PCDH17: variants seen among roughly 807,000 people sequenced by gnomAD.
The protein encoded by PCDH17 is protocadherin 17, also known as protocadherin-17.
In PCDH17, 21 loss-of-function variants were observed where a neutral mutation model predicts 67.7. The observed-to-expected ratio is 0.31, with a 90% CI of 0.22 to 0.45. The LOEUF is 0.45. PCDH17 is among the 20% of genes least tolerant of loss of function. The probability of loss-of-function intolerance (pLI) is 1.00; values close to 1 mark genes in which losing one functional copy is unlikely to be tolerated. For missense variants in PCDH17, 1,471 were observed against 1,564.8 expected (o/e 0.94, Z 1.01); for synonymous variants, 701 against 656.7 (o/e 1.07, Z -1.03).
chr13:57,724,743 A>G lies in PCDH17; in HGVS notation c.2929A>G (p.Thr977Ala). The G allele has an allele frequency of 1.9e-6, 3 of 1,614,138 alleles. No homozygotes were observed. The highest frequency in any genetic ancestry group is 8.5e-7 in the Non-Finnish European group (1 of 1,179,996). ...TTACCGCACAAATCTCTTTGTACCTACAGTTGAAGCTAATGTTGAGACTGA... is the reference window on the plus strand; with the variant it reads ...TTACCGCACAAATCTCTTTGTACCTGCAGTTGAAGCTAATGTTGAGACTGA... ...ADYRTNLFVP[T>A]VEANVETETY... is the part of the protein sequence containing the mutation. The change falls in exon 4 of 4, where the codon ACA becomes GCA. Residue 977 changes from threonine (T) to alanine (A), a missense_variant. By Grantham distance (58) the Thr-to-Ala change is moderately conservative. This residue lies in a region of PCDH17 where 297 missense variants were observed against 298.6 expected (regional missense o/e 0.99). Coordinates refer to ENST00000377918, the MANE Select transcript of PCDH17 (RefSeq NM_001040429.3).
intron 3 of PCDH17, among the ~76,000 whole-genome samples, chr13:57,720,509 T>A (rs1459052353): frequency 6.6e-6 from 1 of 152,000 alleles, no homozygotes; most frequent in Admixed American, 6.6e-5. Flanking sequence ...AATATTGTCA[T>A]TTTATTTACA....
chr13:57,711,550 T>C (rs1488703506), intron 3 of PCDH17, among the ~76,000 whole-genome samples: 1 of 151,880 alleles, frequency 6.6e-6, no homozygotes, highest in African/African-American at 2.4e-5. Context: ...GTGATAATTA[T>C]GTGACAAATT....
chr13:57,634,492 A>G lies in PCDH17; in HGVS notation c.1946A>G (p.His649Arg). 1 of 1,612,676 alleles carries G rather than the reference A, an allele frequency of 6.2e-7. No individual in the cohort carries two copies. Among genetic ancestry groups the G allele is most frequent in the Non-Finnish European group, 8.5e-7 (1 of 1,179,940 alleles). Residue 649 changes from histidine to arginine, a missense_variant, in exon 1 of 4, where the codon CAC (histidine) becomes CGC (arginine). His to Arg is a conservative substitution (Grantham distance 29). Coordinates refer to ENST00000377918, the MANE Select transcript of PCDH17 (RefSeq NM_001040429.3). The surrounding 1 kb of genome is among the most constrained non-coding windows in gnomAD (Gnocchi z 7.8). ...DPSSGEIRTL[H>R]PFWEDVTPVV... Reference sequence around the variant, plus strand: ...TCCAGCGGCGAGATCCGCACGCTGCACCCTTTCTGGGAGGACGTGACGCCC... The same window carrying G: ...TCCAGCGGCGAGATCCGCACGCTGCGCCCTTTCTGGGAGGACGTGACGCCC...
rs1168847858 is a variant in PCDH17, at chr13:57,666,413, G to T, written c.2566-55G>T. ...TTCCACTAGGAAATCTTGTTGCTCT[G>T]CAGGAGATTTGTCCAGTGTACAACT... On this transcript the variant is annotated intron_variant, in intron 1 of 3. Transcript: ENST00000377918. 3.1e-6 allele frequency: 4 copies of T among 1,311,034 alleles called. No individual in the cohort carries two copies. In the African/African-American group the frequency reaches 5.8e-5, roughly 19 times the overall value. The allele number at this position is 1,311,034 out of a possible 1,614,324, so 81.2% of individuals were successfully genotyped here.
chr13:57,634,325 G>A lies in PCDH17; in HGVS notation c.1779G>A (p.Ala593=). The change falls in exon 1 of 4, where the codon GCG becomes GCA. Residue 593 remains alanine, a synonymous_variant. Transcript: ENST00000377918. This position sits in a 1 kb window ranked among gnomAD's most constrained non-coding sequence, Gnocchi z 7.8. ...TCCCCACGCTGCAGAACGACACCGC[G>A]GAGCTGCAGGTGCCGCGCAACGCTG... ...IVLPTLQNDT[A]ELQVPRNAGL... 1 of 1,612,874 alleles carries A rather than the reference G, an allele frequency of 6.2e-7. No individual in the cohort carries two copies. Among genetic ancestry groups the A allele is most frequent in the Non-Finnish European group, 8.5e-7 (1 of 1,180,018 alleles).
chr13:57,711,104 G>A (rs1955772132), intron 3 of PCDH17, among the ~76,000 whole-genome samples: 1 of 151,812 alleles, frequency 6.6e-6, no homozygotes, highest in South Asian at 2.1e-4. Context: ...TTTTCATTCA[G>A]CAAAAATTAA....
intron 1 of PCDH17, among the ~76,000 whole-genome samples, chr13:57,657,499 C>T (rs777783092): frequency 3.9e-4 from 60 of 152,150 alleles, no homozygotes; most frequent in Non-Finnish European, 6.6e-4. Context: ...ATGCCGTTGC[C>T]TACTTCAGCA....
At chr13:57,693,424 C>T (rs1955579161) in intron 3 of PCDH17, among the ~76,000 whole-genome samples, 1 of 146,220 alleles carries the variant, frequency 6.8e-6, no homozygotes, top group South Asian at 2.1e-4. Context: ...AAATTTTACA[C>T]TGCTCTTTCA....
chr13:57,673,883 A>C lies in PCDH17; in HGVS notation c.2797+7050A>C, dbSNP rs557941469. Among the ~76,000 whole-genome samples the C allele has an allele frequency of 2.0e-5, 3 of 151,942 alleles. No individual in the cohort carries two copies. In the East Asian group the frequency reaches 5.9e-4, roughly 30 times the overall value. ...CTGTCTTTCAAGACTTTCAAAATTCATCTCGGTTTATGTTTTCTGGATAAA... is the reference window on the plus strand; with the variant it reads ...CTGTCTTTCAAGACTTTCAAAATTCCTCTCGGTTTATGTTTTCTGGATAAA... On this transcript the variant is annotated intron_variant, in intron 3 of 3. Coordinates refer to ENST00000377918, the MANE Select transcript of PCDH17 (RefSeq NM_001040429.3).
intron 3 of PCDH17, among the ~76,000 whole-genome samples, chr13:57,704,434 AT>A (rs1337267479): frequency 2.6e-5 from 4 of 152,006 alleles, no homozygotes; most frequent in African/African-American, 9.7e-5. Context: ...AATATAAACC[AT>A]TTTTTAAATC....
At chr13:57,699,472 T>A (rs1292014409) in intron 3 of PCDH17, among the ~76,000 whole-genome samples, 1 of 152,108 alleles carries the variant, frequency 6.6e-6, no homozygotes, top group Non-Finnish European at 1.5e-5. Flanking sequence ...TTTTGTATGA[T>A]TTATTTGCAC....
At chr13:57,719,202 A>G (rs1955851665) in intron 3 of PCDH17, among the ~76,000 whole-genome samples, 1 of 152,054 alleles carries the variant, frequency 6.6e-6, no homozygotes, top group African/African-American at 2.4e-5. Flanking sequence ...TCTACTTGGA[A>G]AAACTCTAAT....
intron 3 of PCDH17, among the ~76,000 whole-genome samples, chr13:57,716,797 T>C (rs1325570465): frequency 6.6e-6 from 1 of 151,904 alleles, no homozygotes; most frequent in African/African-American, 2.4e-5. Context: ...CAGACCTGTA[T>C]GCAACAAAAC....
In PCDH17 at chr13:57,654,569, G is replaced by A. The variant is rs1314037617; in HGVS notation, c.2566-11899G>A. 3.9e-5 allele frequency among the ~76,000 whole-genome samples: 6 copies of A among 152,012 alleles called. No individual in the cohort carries two copies. The East Asian group carries it at 1.2e-3, about 29-fold the overall frequency. On this transcript the variant is annotated intron_variant, in intron 1 of 3. Transcript: ENST00000377918. ...TTAAGTAAGATTGCTTGTTTCACTA[G>A]AGGAGAAAATTCTTGAAATTAAAAT...
chr13:57,690,792 G>T (rs1955551374), intron 3 of PCDH17, among the ~76,000 whole-genome samples: 1 of 151,416 alleles, frequency 6.6e-6, no homozygotes, highest in Non-Finnish European at 1.5e-5. Flanking sequence ...TATAAATCAT[G>T]AAATCTTTAT....
chr13:57,684,160 C>T (rs966753765), intron 3 of PCDH17, among the ~76,000 whole-genome samples: 5 of 151,968 alleles, frequency 3.3e-5, no homozygotes, highest in South Asian at 2.1e-4. Context: ...TATGTTTCTG[C>T]TCACACTTTC....
chr13:57,711,943 G>C (rs1453687579), intron 3 of PCDH17, among the ~76,000 whole-genome samples: 4 of 151,084 alleles, frequency 2.6e-5, no homozygotes, highest in Non-Finnish European at 5.9e-5. Flanking sequence ...GGGATTTTAT[G>C]CAAAATTATG....
chr13:57,726,872 A>G lies in PCDH17; in HGVS notation c.*1578A>G, dbSNP rs1593956680. 4.6e-5 allele frequency: 7 copies of G among 152,632 alleles called. No homozygotes were observed. In the South Asian group the frequency reaches 1.4e-3, roughly 32 times the overall value. The allele number at this position is 152,632 out of a possible 1,614,324, so 9.5% of individuals were successfully genotyped here. On this transcript the variant is annotated 3_prime_UTR_variant, in exon 4 of 4. Transcript: ENST00000377918. ...ACATGAAAAATGCTTTAATGCATGTATGTACCAGCAGTGGTTACTTGCATT... is the reference window on the plus strand; with the variant it reads ...ACATGAAAAATGCTTTAATGCATGTGTGTACCAGCAGTGGTTACTTGCATT...
chr13:57,665,953 A>G (rs1262130095), intron 1 of PCDH17, among the ~76,000 whole-genome samples: 3 of 152,188 alleles, frequency 2.0e-5, no homozygotes, highest in Non-Finnish European at 4.4e-5. Flanking sequence ...GTTCAACCAT[A>G]TGTGAGATGC....
Sources: gnomAD v4.1 joint callset for allele counts (sites outside exome capture counted in the v4.1 genomes callset) on GRCh38, gnomAD v4.1.1 for gene constraint, gnomAD v4.1.1 regional missense constraint, Gnocchi (gnomAD v3.1) non-coding constraint, MANE v1.5 for transcripts, NCBI Gene and HGNC (gene_info 2026-07-23, HGNC 2026-07-21) for gene names.